The following OR2G6 variants were observed in gnomAD, a reference collection of about 807,000 sequenced individuals.
OR2G6 encodes the protein olfactory receptor family 2 subfamily G member 6, also known as olfactory receptor 2G6.
For synonymous variants in OR2G6, 183 were observed against 155.2 expected, an observed-to-expected ratio of 1.18 and a Z score of -1.33; for missense variants, 457 against 391.3, an observed-to-expected ratio of 1.17 and a Z score of -1.42.
In OR2G6 at chr1:248,522,780, C is replaced by CAAGACCCTGTGTTCTAT; in HGVS notation, c.*183_*184insAAGACCCTGTGTTCTAT. ...TCCCCAGACATTCCTCTTGTCAATC[C>CAAGACCCTGTGTTCTAT]CAAAGCCACAGGGACTAGGAAGCAT... On this transcript the variant is annotated 3_prime_UTR_variant, in exon 2 of 2. Transcript: ENST00000641804. 1.8e-6 allele frequency: 1 copy of CAAGACCCTGTGTTCTAT among 564,546 alleles called. No homozygotes were observed. Among genetic ancestry groups the CAAGACCCTGTGTTCTAT allele is most frequent in the African/African-American group, 1.9e-5 (1 of 52,368 alleles). The allele number at this position is 564,546 out of a possible 1,614,324, so 35.0% of individuals were successfully genotyped here.
rs9728212 is a variant in OR2G6, at chr1:248,525,815, C to A, written c.*3218C>A. On this transcript the variant is annotated 3_prime_UTR_variant, in exon 2 of 2. Transcript: ENST00000641804. Reference sequence around the variant, plus strand: ...TGGATCATGAGGTCAGGAGTTCAAGCTCAGCCTGGCCAGCATGGTGAAACC... The same window carrying A: ...TGGATCATGAGGTCAGGAGTTCAAGATCAGCCTGGCCAGCATGGTGAAACC... 30,086 of 148,740 alleles carry A rather than the reference C, an allele frequency of 0.2. 4,217 individuals carry two copies. The highest frequency in any genetic ancestry group is 0.41 in the African/African-American group (15,611 of 38,448). 9.2% of individuals were successfully genotyped at this position (148,740 alleles called of 1,614,324 possible).
rs1400422235 is a variant in OR2G6 at position 248,525,106 on chromosome 1, C to T, written c.*2509C>T. 1.3e-5 allele frequency: 2 copies of T among 151,888 alleles called. No homozygotes were observed. Among genetic ancestry groups the T allele is most frequent in the Non-Finnish European group, 2.9e-5 (2 of 67,956 alleles). 9.4% of individuals were successfully genotyped at this position (151,888 alleles called of 1,614,324 possible). On this transcript the variant is annotated 3_prime_UTR_variant, in exon 2 of 2. Transcript: ENST00000641804. ...TTTTCTGATTAATCTAAAAAATATCCACCATTTATTAAAAATCTTCCCTAT... is the reference window on the plus strand; with the variant it reads ...TTTTCTGATTAATCTAAAAAATATCTACCATTTATTAAAAATCTTCCCTAT...
In OR2G6 at chr1:248,522,312, T is replaced by TCAAGCTGTGTTAA; in HGVS notation, c.667_679dup (p.Arg227ThrfsTer43). 1 of 1,614,210 alleles carries TCAAGCTGTGTTAA rather than the reference T, an allele frequency of 6.2e-7. No individual in the cohort carries two copies. Among genetic ancestry groups the TCAAGCTGTGTTAA allele is most frequent in the South Asian group, 1.1e-5 (1 of 91,086 alleles). On this transcript the variant is annotated frameshift_variant, in exon 2 of 2. Transcript: ENST00000641804. LOFTEE classifies it low-confidence loss of function (END_TRUNC). ...TCTTAGTCTCCTATGGCTTTATCACTCAAGCTGTGTTAAGGATAAAATCAG... is the reference window on the plus strand; with the variant it reads ...TCTTAGTCTCCTATGGCTTTATCACTCAAGCTGTGTTAACAAGCTGTGTTAAGGATAAAATCAG...
At position 248,525,846 on chromosome 1, in the gene OR2G6, T is replaced by C. The variant is rs1005488807; in HGVS notation, c.*3249T>C. ...CTGGCCAGCATGGTGAAACCCCATGTCTCCTAAAAAAAATACAAAAAATTA... is the reference window on the plus strand; with the variant it reads ...CTGGCCAGCATGGTGAAACCCCATGCCTCCTAAAAAAAATACAAAAAATTA... On this transcript the variant is annotated 3_prime_UTR_variant, in exon 2 of 2. Coordinates refer to ENST00000641804, the MANE Select transcript of OR2G6 (RefSeq NM_001013355.2). The C allele has an allele frequency of 4.6e-5, 7 of 152,052 alleles. No homozygotes were observed. The highest frequency in any genetic ancestry group is 2.6e-4 in the Admixed American group (4 of 15,232). The allele number at this position is 152,052 out of a possible 1,614,324, so 9.4% of individuals were successfully genotyped here.
At position 248,523,447 on chromosome 1, in the gene OR2G6, C is replaced by T. The variant is rs897567832; in HGVS notation, c.*850C>T. On this transcript the variant is annotated 3_prime_UTR_variant, in exon 2 of 2. Coordinates refer to ENST00000641804, the MANE Select transcript of OR2G6 (RefSeq NM_001013355.2). ...ACTAAAATGTGTTTTAACATTTATACAAAATTCATAAAATAAGTTATTGTT... is the reference window on the plus strand; with the variant it reads ...ACTAAAATGTGTTTTAACATTTATATAAAATTCATAAAATAAGTTATTGTT... The T allele has an allele frequency of 2.0e-5, 3 of 152,072 alleles. No homozygotes were observed. The highest frequency in any genetic ancestry group is 6.5e-5 in the Admixed American group (1 of 15,268). The allele number at this position is 152,072 out of a possible 1,614,324, so 9.4% of individuals were successfully genotyped here. A position where few individuals can be genotyped will look rare whatever the true frequency, so the allele number is the denominator to read the frequency against.
rs761734905 is a variant in OR2G6, at chr1:248,522,115, C to G, written c.469C>G (p.Leu157Val). ...ATGGCTCAGCGGCCTCATCACCTCC[C>G]TAATTCAGTGCTCCCTCACTGTGCA... is the stretch of plus-strand genomic sequence containing the variant. Reference protein sequence around the residue: ...GAWLSGLITSLIQCSLTVQLP... With the variant: ...GAWLSGLITSVIQCSLTVQLP... The change falls in exon 2 of 2, where the codon CTA becomes GTA. Residue 157 changes from leucine (L) to valine (V), a missense_variant. Transcript: ENST00000641804. The G allele has an allele frequency of 9.3e-6, 15 of 1,614,074 alleles. No individual in the cohort carries two copies. The highest frequency in any genetic ancestry group is 1.3e-5 in the Non-Finnish European group (15 of 1,180,036).
rs914989809 is a variant in OR2G6 at position 248,521,808 on chromosome 1, A to C, written c.162A>C (p.Arg54Ser). 3.7e-6 allele frequency: 6 copies of C among 1,613,516 alleles called. No homozygotes were observed. The highest frequency in any genetic ancestry group is 1.7e-5 in the Admixed American group (1 of 59,918). Residue 54 changes from arginine (R) to serine (S), a missense_variant, in exon 2 of 2, where the codon AGA becomes AGC. By Grantham distance (110) the Arg-to-Ser change is moderately radical. Transcript: ENST00000641804. ...TACTAGTATGTTGTCTGGACTCCAG[A>C]CTCCACACTCCAATGTACTTCTTCC... ...ALILVCCLDS[R>S]LHTPMYFFLS...
chr1:248,521,978 A>T lies in OR2G6; in HGVS notation c.332A>T (p.Glu111Val), dbSNP rs966392591. 1.2e-6 allele frequency: 2 copies of T among 1,614,068 alleles called. No individual in the cohort carries two copies. The highest frequency in any genetic ancestry group is 1.1e-5 in the South Asian group (1 of 91,064). The change falls in exon 2 of 2, where the codon GAG becomes GTG. Residue 111 changes from glutamate (E) to valine (V), a missense_variant. Coordinates refer to ENST00000641804, the MANE Select transcript of OR2G6 (RefSeq NM_001013355.2). ...LYVAMGLGSS[E>V]CILLAVMAYD... Reference sequence around the variant, plus strand: ...GTGGCCATGGGGTTGGGCTCGTCTGAGTGTATTCTCTTGGCCGTCATGGCT... The same window carrying T: ...GTGGCCATGGGGTTGGGCTCGTCTGTGTGTATTCTCTTGGCCGTCATGGCT...
rs748738449 is a variant in OR2G6, at chr1:248,521,675, A to AG, written c.32dup (p.Phe12IlefsTer76). The AG allele has an allele frequency of 5.6e-6, 9 of 1,613,870 alleles. No homozygotes were observed. The highest frequency in any genetic ancestry group is 6.8e-6 in the Non-Finnish European group (8 of 1,179,916). ...GAGGAAACCAACAACAGCTCTGAAAAGGGATTTCTTCTCCTGGGATTTTCA... is the reference window on the plus strand; with the variant it reads ...GAGGAAACCAACAACAGCTCTGAAAAGGGGATTTCTTCTCCTGGGATTTTCA... On this transcript the variant is annotated frameshift_variant, in exon 2 of 2. Coordinates refer to ENST00000641804, the MANE Select transcript of OR2G6 (RefSeq NM_001013355.2). LOFTEE classifies it low-confidence loss of function (END_TRUNC).
Position 248,525,077 on chromosome 1 carries a change from G to A in OR2G6, c.*2480G>A, listed in dbSNP as rs1664366983. The stretch of plus-strand genomic sequence containing the variant: ...CATACTATTTTTATTTATAATGTGA[G>A]CATTTTTCTGATTAATCTAAAAAAT... On this transcript the variant is annotated 3_prime_UTR_variant, in exon 2 of 2. Transcript: ENST00000641804. 6.6e-6 allele frequency: 1 copy of A among 151,850 alleles called. No individual in the cohort carries two copies. The allele number at this position is 151,850 out of a possible 1,614,324, so 9.4% of individuals were successfully genotyped here. A position where few individuals can be genotyped will look rare whatever the true frequency, so the allele number is the denominator to read the frequency against.
rs1196543802 is a variant in OR2G6, at chr1:248,527,024, T to C, written c.*4427T>C. On this transcript the variant is annotated 3_prime_UTR_variant, in exon 2 of 2. Coordinates refer to ENST00000641804, the MANE Select transcript of OR2G6 (RefSeq NM_001013355.2). ...GATCCCATTTGTCAATTTTGGCTTT[T>C]GTTGCCATTGCTTTTGGTGTTTTAG... 3 of 152,224 alleles carry C rather than the reference T, an allele frequency of 2.0e-5. No individual in the cohort carries two copies. Among genetic ancestry groups the C allele is most frequent in the African/African-American group, 7.2e-5 (3 of 41,456 alleles). The allele number at this position is 152,224 out of a possible 1,614,324, so 9.4% of individuals were successfully genotyped here.
In OR2G6 at chr1:248,521,774, C is replaced by G. The variant is rs926259157; in HGVS notation, c.128C>G (p.Thr43Ser). The change falls in exon 2 of 2, where the codon ACT becomes AGT. Residue 43 changes from threonine (T) to serine (S), a missense_variant. Transcript: ENST00000641804. ...YFYVLSLLGN[T>S]ALILVCCLDS... ...TACGTCTTGAGCCTTCTGGGGAACACTGCCCTCATACTAGTATGTTGTCTG... is the reference window on the plus strand; with the variant it reads ...TACGTCTTGAGCCTTCTGGGGAACAGTGCCCTCATACTAGTATGTTGTCTG... 1.9e-6 allele frequency: 3 copies of G among 1,613,976 alleles called. No individual in the cohort carries two copies. The highest frequency in any genetic ancestry group is 2.5e-6 in the Non-Finnish European group (3 of 1,179,960).
chr1:248,526,682 A>T lies in OR2G6; in HGVS notation c.*4085A>T, dbSNP rs1659125550. On this transcript the variant is annotated 3_prime_UTR_variant, in exon 2 of 2. Coordinates refer to ENST00000641804, the MANE Select transcript of OR2G6 (RefSeq NM_001013355.2). The stretch of plus-strand genomic sequence containing the variant: ...TGATCTCAGTAGTAACTATTTAATG[A>T]TTGCCATTCTAACTGGTGTGAGATG... 6.7e-6 allele frequency: 1 copy of T among 149,378 alleles called. No individual in the cohort carries two copies. The highest frequency in any genetic ancestry group is 2.2e-4 in the South Asian group (1 of 4,572). The allele number at this position is 149,378 out of a possible 1,614,324, so 9.3% of individuals were successfully genotyped here. A position where few individuals can be genotyped will look rare whatever the true frequency, so the allele number is the denominator to read the frequency against.
At chr1:248,521,179 C>A (rs183067005) in intron 1 of OR2G6, among the ~76,000 whole-genome samples, 2 of 151,764 alleles carry the variant, frequency 1.3e-5, no homozygotes. Flanking sequence ...ACAGAGATCA[C>A]GGCACTGTAC....
In OR2G6 at chr1:248,523,447, C is replaced by A. The variant is rs897567832; in HGVS notation, c.*850C>A. 1 of 152,072 alleles carries A rather than the reference C, an allele frequency of 6.6e-6. No individual in the cohort carries two copies. The highest frequency in any genetic ancestry group is 1.5e-5 in the Non-Finnish European group (1 of 68,006). 9.4% of individuals were successfully genotyped at this position (152,072 alleles called of 1,614,324 possible). A position where few individuals can be genotyped will look rare whatever the true frequency, so the allele number is the denominator to read the frequency against. On this transcript the variant is annotated 3_prime_UTR_variant, in exon 2 of 2. Coordinates refer to ENST00000641804, the MANE Select transcript of OR2G6 (RefSeq NM_001013355.2). ...ACTAAAATGTGTTTTAACATTTATA[C>A]AAAATTCATAAAATAAGTTATTGTT...
Position 248,522,642 on chromosome 1 carries a change from T to C in OR2G6, c.*45T>C. On this transcript the variant is annotated 3_prime_UTR_variant, in exon 2 of 2. Transcript: ENST00000641804. ...ACAAGGGAAACACCTCAAGGCAGAG[T>C]GAGGGTTCATCCTCCCCAGACATTC... 1 of 1,312,206 alleles carries C rather than the reference T, an allele frequency of 7.6e-7. No homozygotes were observed. The allele number at this position is 1,312,206 out of a possible 1,614,324, so 81.3% of individuals were successfully genotyped here. A position where few individuals can be genotyped will look rare whatever the true frequency, so the allele number is the denominator to read the frequency against.
chr1:248,527,324 G>GGTTCT (rs1159380807), exon 2 of OR2G6: 2 of 152,094 alleles, frequency 1.3e-5, no homozygotes, highest in African/African-American at 4.8e-5. Context: ...TATTTCGGAG[G>GGTTCT]GTTCTGTTCT....
rs1014632675 is a variant in OR2G6 at position 248,525,578 on chromosome 1, A to G, written c.*2981A>G. 1.3e-5 allele frequency: 2 copies of G among 152,200 alleles called. No individual in the cohort carries two copies. Among genetic ancestry groups the G allele is most frequent in the African/African-American group, 4.8e-5 (2 of 41,456 alleles). The allele number at this position is 152,200 out of a possible 1,614,324, so 9.4% of individuals were successfully genotyped here. On this transcript the variant is annotated 3_prime_UTR_variant, in exon 2 of 2. Coordinates refer to ENST00000641804, the MANE Select transcript of OR2G6 (RefSeq NM_001013355.2). ...CACTTACTATTTAAACCCTAACCCA[A>G]ATGGTCAGTAAAAAGACAAGTACCA...
chr1:248,521,040 T>TAAAA (rs56891856), intron 1 of OR2G6, among the ~76,000 whole-genome samples: 38 of 83,926 alleles, frequency 4.5e-4, no homozygotes, highest in African/African-American at 1.3e-3. Flanking sequence ...AGATTCCATC[T>TAAAA]AAAAAAAAAA....
Sources: gnomAD v4.1 joint callset for allele counts (sites outside exome capture counted in the v4.1 genomes callset) on GRCh38, gnomAD v4.1.1 for gene constraint, MANE v1.5 for transcripts, NCBI Gene and HGNC (gene_info 2026-07-23, HGNC 2026-07-21) for gene names.